Variants in AFG2A observed in about 807,000 individuals in gnomAD.
AFG2A encodes ATPase family gene 2 protein homolog A.
the AFG2A span, among the ~76,000 whole-genome samples, chr4:123,285,620 C>T: frequency 6.6e-6 from 1 of 152,074 alleles, no homozygotes; most frequent in South Asian, 2.1e-4. Context: ...TCTTCACATT[C>T]TTCTAAAGCT....
the AFG2A span, among the ~76,000 whole-genome samples, chr4:123,308,014 G>T: frequency 1.3e-5 from 2 of 151,584 alleles, no homozygotes; most frequent in Non-Finnish European, 1.5e-5. Flanking sequence ...TGAGCAACAC[G>T]TGACTATATG....
chr4:123,209,804 C>T, the AFG2A span, among the ~76,000 whole-genome samples: 42 of 151,924 alleles, frequency 2.8e-4, no homozygotes, highest in Non-Finnish European at 4.7e-4. Context: ...TATGTATTCC[C>T]TCTCCCTCCC....
the AFG2A span, among the ~76,000 whole-genome samples, chr4:123,123,749 C>T: frequency 3.3e-5 from 5 of 151,570 alleles, no homozygotes; most frequent in Non-Finnish European, 7.4e-5. Flanking sequence ...AGATCGAGAC[C>T]ATCCTGGCTA....
the AFG2A span, among the ~76,000 whole-genome samples, chr4:122,979,923 A>C: frequency 3.9e-5 from 6 of 152,154 alleles, no homozygotes; most frequent in African/African-American, 1.4e-4. Flanking sequence ...AACACCCAAA[A>C]AACTATATTA....
chr4:123,233,309 A>G, the AFG2A span, among the ~76,000 whole-genome samples: 1 of 151,692 alleles, frequency 6.6e-6, no homozygotes, highest in African/African-American at 2.4e-5. Flanking sequence ...AGTCACTCCT[A>G]TCCCGCACCC....
the AFG2A span, among the ~76,000 whole-genome samples, chr4:123,052,997 C>T: frequency 6.6e-6 from 1 of 152,126 alleles, no homozygotes; most frequent in Non-Finnish European, 1.5e-5. Flanking sequence ...AGATGAAAGC[C>T]AGAAGACTCA....
the AFG2A span, among the ~76,000 whole-genome samples, chr4:123,310,940 T>C: frequency 1.3e-5 from 2 of 152,110 alleles, no homozygotes; most frequent in African/African-American, 4.8e-5. Flanking sequence ...CCCTAGGACA[T>C]ACAGACAGCT....
chr4:123,076,038 A>C, the AFG2A span, among the ~76,000 whole-genome samples: 2 of 152,188 alleles, frequency 1.3e-5, no homozygotes, highest in South Asian at 4.2e-4. Context: ...CATGCCTATA[A>C]TCTCAGCACT....
At chr4:122,997,424 TA>T in the AFG2A span, among the ~76,000 whole-genome samples, 3 of 152,212 alleles carry the variant, frequency 2.0e-5, no homozygotes, top group Admixed American at 1.3e-4. Flanking sequence ...TTATTTTATT[TA>T]GCATAGGTTT....
chr4:123,162,988 C>G, the AFG2A span, among the ~76,000 whole-genome samples: 1 of 152,152 alleles, frequency 6.6e-6, no homozygotes, highest in Non-Finnish European at 1.5e-5. Flanking sequence ...AAGGTTTTAA[C>G]AAGCATGCTA....
the AFG2A span, among the ~76,000 whole-genome samples, chr4:123,167,344 T>G: frequency 2.1e-4 from 32 of 151,840 alleles, no homozygotes; most frequent in South Asian, 8.3e-4. Flanking sequence ...TGTTTCTTTT[T>G]TTTGTTTGTT....
the AFG2A span, among the ~76,000 whole-genome samples, chr4:122,927,441 C>T: frequency 6.6e-6 from 1 of 152,232 alleles, no homozygotes; most frequent in African/African-American, 2.4e-5. Context: ...TAATATGTTG[C>T]CAGTAGACCC....
the AFG2A span, among the ~76,000 whole-genome samples, chr4:123,118,395 A>C: frequency 6.9e-6 from 1 of 145,096 alleles, no homozygotes; most frequent in Admixed American, 6.9e-5. Context: ...TCTCCCAGTT[A>C]TATACAATGC....
chr4:123,227,899 A>G, the AFG2A span, among the ~76,000 whole-genome samples: 2 of 152,104 alleles, frequency 1.3e-5, no homozygotes, highest in South Asian at 2.1e-4. Context: ...GTGCTCTTGT[A>G]TTGTGTGCAT....
At chr4:123,116,940 A>G in the AFG2A span, among the ~76,000 whole-genome samples, 2 of 152,342 alleles carry the variant, frequency 1.3e-5, no homozygotes, top group East Asian at 3.9e-4. Flanking sequence ...ATATTTGTGA[A>G]TTAAATCATA....
At chr4:123,028,439 C>T in the AFG2A span, 30 of 1,525,200 alleles carry the variant, frequency 2.0e-5, no homozygotes, top group African/African-American at 2.0e-4. Context: ...CTTGGCCTCC[C>T]CCAACCCCCA....
the AFG2A span, among the ~76,000 whole-genome samples, chr4:123,087,606 C>T: frequency 6.6e-6 from 1 of 152,176 alleles, no homozygotes; most frequent in Non-Finnish European, 1.5e-5. Context: ...AGATAAAACT[C>T]ACAAATGTGT....
chr4:123,278,830 TA>T, the AFG2A span, among the ~76,000 whole-genome samples: 1 of 152,158 alleles, frequency 6.6e-6, no homozygotes, highest in Non-Finnish European at 1.5e-5. Context: ...TATGAAAATA[TA>T]AAAAATATAA....
At chr4:123,155,192 C>T in the AFG2A span, among the ~76,000 whole-genome samples, 3 of 152,268 alleles carry the variant, frequency 2.0e-5, no homozygotes, top group Admixed American at 2.0e-4. Flanking sequence ...TCAAGCAGTT[C>T]TCTCACTTCA....
Sources: allele counts gnomAD v4.1 joint callset (sites outside exome capture counted in the v4.1 genomes callset), GRCh38; gene constraint gnomAD v4.1.1; transcripts MANE v1.5; gene names NCBI Gene and HGNC (gene_info 2026-07-23, HGNC 2026-07-21).